The following KIAA1958 variants were observed in gnomAD, a reference collection of about 807,000 sequenced individuals.
KIAA1958 encodes the protein KIAA1958.
Under a neutral mutation model 47.2 loss-of-function variants are expected in KIAA1958, and 14 were observed. The ratio of observed to expected loss-of-function variants is 0.30; its 90% CI spans 0.20 to 0.46. KIAA1958 has a LOEUF of 0.46. Ranked by LOEUF, KIAA1958 falls within the 20% of genes least tolerant of loss-of-function variation. KIAA1958 has a pLI of 1.00. For missense variants in KIAA1958, 803 were observed against 909.2 expected (o/e 0.88, Z 1.50); for synonymous variants, 354 against 353.3 (o/e 1.00, Z -0.02).
chr9:112,536,267 CAAAT>C (rs921873475), intron 1 of KIAA1958, among the ~76,000 whole-genome samples: 2 of 152,030 alleles, frequency 1.3e-5, no homozygotes, highest in African/African-American at 2.4e-5. Context: ...GACCCTTTCT[CAAAT>C]AAATAAATAA....
intron 1 of KIAA1958, among the ~76,000 whole-genome samples, chr9:112,490,127 AT>A (rs1833943652): frequency 1.3e-5 from 2 of 152,144 alleles, no homozygotes; most frequent in African/African-American, 4.8e-5. Context: ...CTTGCTGAAA[AT>A]GCAGATTTCA....
chr9:112,517,110 A>G (rs1834449331), intron 1 of KIAA1958, among the ~76,000 whole-genome samples: 1 of 44,204 alleles, frequency 2.3e-5, no homozygotes, highest in Non-Finnish European at 4.8e-5. Context: ...ACTGAACTTC[A>G]AATATGGAAG....
chr9:112,627,196 G>A (rs1178493041), intron 2 of KIAA1958, among the ~76,000 whole-genome samples: 2 of 152,082 alleles, frequency 1.3e-5, no homozygotes, highest in African/African-American at 2.4e-5. Context: ...AACACTTTCC[G>A]AGCTCTTTGA....
intron 1 of KIAA1958, among the ~76,000 whole-genome samples, chr9:112,499,924 G>A (rs551525814): frequency 4.0e-5 from 6 of 151,656 alleles, no homozygotes; most frequent in Admixed American, 1.3e-4. Context: ...TCCTGACCTC[G>A]TGATCCACCC....
At chr9:112,493,873 T>C (rs1238186401) in intron 1 of KIAA1958, among the ~76,000 whole-genome samples, 1 of 152,260 alleles carries the variant, frequency 6.6e-6, no homozygotes, top group Non-Finnish European at 1.5e-5. Context: ...GCAAACTTTT[T>C]CTGTAAAAGA....
chr9:112,511,820 A>G (rs1834330014), intron 1 of KIAA1958, among the ~76,000 whole-genome samples: 1 of 152,232 alleles, frequency 6.6e-6, no homozygotes, highest in African/African-American at 2.4e-5. Flanking sequence ...ACAGATTACC[A>G]ATATTAGGAC....
intron 1 of KIAA1958, among the ~76,000 whole-genome samples, chr9:112,495,081 G>A (rs1834030839): frequency 6.6e-6 from 1 of 151,276 alleles, no homozygotes; most frequent in African/African-American, 2.4e-5. Context: ...ACCACTACCA[G>A]CTGAATTTTT....
intron 2 of KIAA1958, among the ~76,000 whole-genome samples, chr9:112,614,959 A>C (rs907692283): frequency 1.3e-5 from 2 of 152,196 alleles, no homozygotes; most frequent in South Asian, 4.1e-4. Flanking sequence ...CAGACTGACT[A>C]ATGCTGCTTA....
At chr9:112,540,682 A>C (rs962578906) in intron 1 of KIAA1958, among the ~76,000 whole-genome samples, 2 of 151,384 alleles carry the variant, frequency 1.3e-5, no homozygotes, top group African/African-American at 4.8e-5. Flanking sequence ...TTTAAGTTAA[A>C]TTTCTAGGCT....
At chr9:112,561,517 T>C (rs1228662832) in intron 1 of KIAA1958, among the ~76,000 whole-genome samples, 10 of 152,146 alleles carry the variant, frequency 6.6e-5, no homozygotes, top group Admixed American at 5.9e-4. Flanking sequence ...CATACAATAT[T>C]TATTGAATAG....
chr9:112,588,801 G>A (rs1164544169), intron 2 of KIAA1958, among the ~76,000 whole-genome samples: 3 of 152,028 alleles, frequency 2.0e-5, no homozygotes, highest in East Asian at 1.9e-4. Flanking sequence ...TTTTCCCTGC[G>A]TTGATCCACT....
intron 2 of KIAA1958, among the ~76,000 whole-genome samples, chr9:112,610,676 A>G (rs1480768024): frequency 2.0e-5 from 3 of 152,194 alleles, no homozygotes; most frequent in Admixed American, 1.3e-4. Flanking sequence ...GGACACATAC[A>G]GAGAGCATCA....
intron 1 of KIAA1958, among the ~76,000 whole-genome samples, chr9:112,551,052 T>G (rs1835134696): frequency 6.6e-6 from 1 of 151,448 alleles, no homozygotes; most frequent in Admixed American, 6.6e-5. Flanking sequence ...TTTTTTTTTT[T>G]AAGTTAGGGA....
chr9:112,600,288 G>A (rs568041128), intron 2 of KIAA1958, among the ~76,000 whole-genome samples: 1 of 152,142 alleles, frequency 6.6e-6, no homozygotes, highest in South Asian at 2.1e-4. Context: ...ACCTAATGTT[G>A]CATCTCCTCC....
At chr9:112,527,082 C>G (rs1403737714) in intron 1 of KIAA1958, among the ~76,000 whole-genome samples, 1 of 152,172 alleles carries the variant, frequency 6.6e-6, no homozygotes, top group Non-Finnish European at 1.5e-5. Context: ...ACTGACTGTT[C>G]TCTTTGCCAG....
intron 2 of KIAA1958, among the ~76,000 whole-genome samples, chr9:112,601,435 A>G (rs1836129840): frequency 6.6e-6 from 1 of 152,138 alleles, no homozygotes; most frequent in Non-Finnish European, 1.5e-5. Context: ...GTCGTTTTCT[A>G]GGTCTTCTTC....
intron 1 of KIAA1958, among the ~76,000 whole-genome samples, chr9:112,517,247 G>C (rs1834454229): frequency 1.3e-5 from 2 of 149,934 alleles, no homozygotes; most frequent in South Asian, 4.2e-4. Context: ...AGACGTATCT[G>C]GCCAGTTGAT....
intron 2 of KIAA1958, among the ~76,000 whole-genome samples, chr9:112,586,862 A>G (rs572532388): frequency 6.6e-6 from 1 of 152,358 alleles, no homozygotes; most frequent in Admixed American, 6.5e-5. Flanking sequence ...GAAATAATGT[A>G]CAACCTCAGG....
chr9:112,593,081 A>G (rs1835950944), intron 2 of KIAA1958, among the ~76,000 whole-genome samples: 1 of 152,228 alleles, frequency 6.6e-6, no homozygotes, highest in Non-Finnish European at 1.5e-5. Context: ...GAGGTGGGAT[A>G]CTTTTTATTC....
Sources: allele counts gnomAD v4.1 joint callset (sites outside exome capture counted in the v4.1 genomes callset), GRCh38; gene constraint gnomAD v4.1.1; transcripts MANE v1.5; gene names NCBI Gene and HGNC (gene_info 2026-07-23, HGNC 2026-07-21).